The following MEP1A variants were observed in gnomAD, a reference collection of about 807,000 sequenced individuals.
MEP1A encodes the protein meprin A subunit alpha.
A neutral mutation model predicts 84.5 loss-of-function variants in MEP1A; 68 were observed. The ratio of observed to expected loss-of-function variants is 0.80; its 90% CI spans 0.66 to 0.98. The LOEUF is 0.98. Among genes scored for constraint, MEP1A ranks in the 50% least tolerant of loss-of-function variants. The pLI is 0.00. For missense variants in MEP1A, 887 were observed against 919.9 expected, an observed-to-expected ratio of 0.96 and a Z score of 0.46; for synonymous variants, 337 against 336.8, an observed-to-expected ratio of 1.00 and a Z score of -0.01.
At chr6:46,844,566 A>T (rs1158634590), downstream of MEP1A, among the ~76,000 whole-genome samples, 1 of 152,202 alleles carries the variant, frequency 6.6e-6, no homozygotes, top group Non-Finnish European at 1.5e-5. Context: ...CATTAAAAAC[A>T]TTTAAAGATC....
chr6:46,829,948 C>T (rs916186065), intron 10 of MEP1A, among the ~76,000 whole-genome samples: 4 of 151,854 alleles, frequency 2.6e-5, no homozygotes, highest in African/African-American at 7.3e-5. Flanking sequence ...ATTGATGCTG[C>T]GGGAGAGAGA....
rs150903776 is a variant in MEP1A, at chr6:46,810,209, G to A, written c.380+672G>A. ...TTATAGTTTTGATTTGTGTTTCCCT[G>A]ATAATTAGTAATGTTGAACATGTTT... On this transcript the variant is annotated intron_variant, in intron 6 of 13. Coordinates refer to ENST00000230588, the MANE Select transcript of MEP1A (RefSeq NM_005588.3). Among the ~76,000 whole-genome samples the A allele has an allele frequency of 7.9e-5, 12 of 152,124 alleles. No homozygotes were observed. In the East Asian group the frequency reaches 1.7e-3, roughly 22 times the overall value.
chr6:46,844,901 G>A, the MEP1A span, among the ~76,000 whole-genome samples: 284 of 150,242 alleles, frequency 1.9e-3, no homozygotes, highest in Non-Finnish European at 3.1e-3. Flanking sequence ...GATCATGGGG[G>A]TGGTTTCCCC....
chr6:46,813,513 T>A lies in MEP1A; in HGVS notation c.380+3976T>A, dbSNP rs1767556420. ...TTCTTATTCATTCTGCTATTCTGTA[T>A]CTTTTTAAGTGGAGAATTTAGGGCA... On this transcript the variant is annotated intron_variant, in intron 6 of 13. Coordinates refer to ENST00000230588, the MANE Select transcript of MEP1A (RefSeq NM_005588.3). 2.0e-5 allele frequency among the ~76,000 whole-genome samples: 3 copies of A among 152,114 alleles called. No individual in the cohort carries two copies. In the South Asian group the frequency reaches 6.2e-4, roughly 31 times the overall value.
At chr6:46,828,757 T>C (rs77272255) in intron 9 of MEP1A, among the ~76,000 whole-genome samples, 3,045 of 152,290 alleles carry the variant, frequency 0.02, 104 homozygotes, top group African/African-American at 0.07. Context: ...CCCTCTTCAG[T>C]GTCCTTCCAA....
intron 6 of MEP1A, 134 bp downstream of exon 6, chr6:46,809,671 G>C (rs1008475431): frequency 3.3e-6 from 2 of 610,816 alleles, no homozygotes; most frequent in Non-Finnish European, 5.9e-6. Context: ...CCACATATGA[G>C]TGAGAACATA....
intron 6 of MEP1A, among the ~76,000 whole-genome samples, chr6:46,819,008 C>A (rs1170220323): frequency 7.2e-6 from 1 of 139,826 alleles, no homozygotes; most frequent in Non-Finnish European, 1.6e-5. Context: ...GTCCCAGCCT[C>A]TCAGGAGGCT....
intron 6 of MEP1A, among the ~76,000 whole-genome samples, chr6:46,817,124 T>A (rs1767658687): frequency 6.6e-6 from 1 of 152,082 alleles, no homozygotes; most frequent in East Asian, 1.9e-4. Flanking sequence ...GAAGAGGGAA[T>A]GGATTTCAGA....
intron 5 of MEP1A, among the ~76,000 whole-genome samples, chr6:46,804,669 G>A (rs1767273947): frequency 6.6e-6 from 1 of 151,634 alleles, no homozygotes; most frequent in Non-Finnish European, 1.5e-5. Flanking sequence ...AGTCTCAGAT[G>A]TACAATTCAA....
intron 3 of MEP1A, 89 bp downstream of exon 3, chr6:46,793,805 T>A (rs1403186004): frequency 1.1e-6 from 1 of 916,684 alleles, no homozygotes; most frequent in African/African-American, 1.7e-5. Context: ...TAATACTGTA[T>A]TGTGATTCTC....
intron 13 of MEP1A, among the ~76,000 whole-genome samples, chr6:46,837,866 G>A (rs1768248805): frequency 6.6e-6 from 1 of 151,786 alleles, no homozygotes; most frequent in African/African-American, 2.4e-5. Context: ...AAATCATTCA[G>A]GATTAGTAAA....
chr6:46,796,777 G>T (rs1767058302), intron 3 of MEP1A, among the ~76,000 whole-genome samples: 1 of 152,136 alleles, frequency 6.6e-6, no homozygotes, highest in Admixed American at 6.5e-5. Flanking sequence ...AGTCTGAGTG[G>T]GCTTGTTCAC....
chr6:46,834,045 C>T (rs1414634843), intron 11 of MEP1A, among the ~76,000 whole-genome samples: 1 of 150,780 alleles, frequency 6.6e-6, no homozygotes, highest in Non-Finnish European at 1.5e-5. Context: ...GGCGCATTCT[C>T]GGCTCACTGC....
chr6:46,800,445 C>T (rs1387219509), intron 5 of MEP1A, among the ~76,000 whole-genome samples: 2 of 152,092 alleles, frequency 1.3e-5, no homozygotes, highest in African/African-American at 2.4e-5. Flanking sequence ...TTGGTCCCCA[C>T]GCAGACCACA....
chr6:46,843,254 G>T (rs372076099), downstream of MEP1A, among the ~76,000 whole-genome samples: 23 of 152,238 alleles, frequency 1.5e-4, 1 homozygote, highest in South Asian at 4.8e-3. Flanking sequence ...AAATCTCTAG[G>T]ACATTGACAA....
At chr6:46,837,461 T>C (rs1452962001) in intron 13 of MEP1A, among the ~76,000 whole-genome samples, 1 of 152,222 alleles carries the variant, frequency 6.6e-6, no homozygotes, top group East Asian at 1.9e-4. Context: ...GCCCCACCCA[T>C]AGAATCAATC....
chr6:46,833,477 T>A lies in MEP1A; in HGVS notation c.1548T>A (p.Asp516Glu), dbSNP rs142787710. The A allele has an allele frequency of 4.4e-3, 7,161 of 1,614,188 alleles. 24 individuals carry two copies. The highest frequency in any genetic ancestry group is 5.5e-3 in the Non-Finnish European group (6,468 of 1,180,036). ...TTACCATCCTTGACCAGGAGCCTGATGTCCGGAACAGGATGTCCTCAAGCA... is the reference window on the plus strand; with the variant it reads ...TTACCATCCTTGACCAGGAGCCTGAAGTCCGGAACAGGATGTCCTCAAGCA... ...VIITILDQEP[D>E]VRNRMSSSMV... Residue 516 changes from aspartate to glutamate, a missense_variant, in exon 11 of 14, where the codon GAT becomes GAA. Coordinates refer to ENST00000230588, the MANE Select transcript of MEP1A (RefSeq NM_005588.3).
At chr6:46,805,004 C>T (rs949472876) in intron 5 of MEP1A, among the ~76,000 whole-genome samples, 25 of 151,684 alleles carry the variant, frequency 1.6e-4, no homozygotes, top group Non-Finnish European at 1.5e-5. Flanking sequence ...AATGTTGCTG[C>T]GTTTATAAGC....
intron 7 of MEP1A, among the ~76,000 whole-genome samples, chr6:46,824,785 A>C (rs1389964473): frequency 8.9e-5 from 6 of 67,528 alleles, no homozygotes. Context: ...ATTTAAATAG[A>C]TGTATTTAAA....
Sources: allele counts gnomAD v4.1 joint callset (sites outside exome capture counted in the v4.1 genomes callset), GRCh38; gene constraint gnomAD v4.1.1; transcripts MANE v1.5; gene names NCBI Gene and HGNC (gene_info 2026-07-23, HGNC 2026-07-21).